FKBP5: variants seen among roughly 807,000 people sequenced by gnomAD.
FKBP5 encodes peptidyl-prolyl cis-trans isomerase FKBP5.
FKBP5 carries 23 observed loss-of-function variants against 50.5 expected under a neutral mutation model. The observed-to-expected ratio is 0.46, with a 90% CI of 0.33 to 0.65. The LOEUF is 0.65. Ranked by LOEUF, FKBP5 falls within the 30% of genes least tolerant of loss-of-function variation. The pLI is 0.02. For missense variants in FKBP5, 411 were observed against 553.1 expected (o/e 0.74, Z 2.58); for synonymous variants, 176 against 190.6 (o/e 0.92, Z 0.63).
chr6:35,608,366 A>T (rs1481029252), intron 5 of FKBP5, among the ~76,000 whole-genome samples: 1 of 150,544 alleles, frequency 6.6e-6, no homozygotes, highest in African/African-American at 2.4e-5. Flanking sequence ...TCTTAAAATA[A>T]AAGAATTAAT....
intron 2 of FKBP5, among the ~76,000 whole-genome samples, chr6:35,701,233 G>GTTTTTT (rs200620341): frequency 1.4e-5 from 2 of 147,536 alleles, no homozygotes; most frequent in African/African-American, 2.5e-5. Flanking sequence ...GTTTGTTTTT[G>GTTTTTT]TTTTTTGTTT....
At chr6:35,706,629 T>C (rs1171118899) in intron 2 of FKBP5, among the ~76,000 whole-genome samples, 1 of 152,184 alleles carries the variant, frequency 6.6e-6, no homozygotes, top group Non-Finnish European at 1.5e-5. Context: ...GGAGTGAAGA[T>C]TGTGTAACCT....
chr6:35,585,656 T>C (rs1376180071), intron 8 of FKBP5: 1 of 930,466 alleles, frequency 1.1e-6, no homozygotes, highest in Admixed American at 6.2e-5. Flanking sequence ...TATTTATATA[T>C]TTATACTTAT....
intron 7 of FKBP5, among the ~76,000 whole-genome samples, chr6:35,589,114 ATATATATATATATAT>A (rs2150958718): frequency 8.1e-6 from 1 of 123,374 alleles, no homozygotes; most frequent in East Asian, 2.2e-4. Flanking sequence ...ATATTTTTAT[ATATATATATATATAT>A]TTTTTTTTTT....
chr6:35,674,400 C>G (rs1358569227), intron 1 of FKBP5, among the ~76,000 whole-genome samples: 2 of 152,088 alleles, frequency 1.3e-5, no homozygotes, highest in Non-Finnish European at 2.9e-5. Flanking sequence ...TTTCCAAGTT[C>G]CCTCAGTACA....
In FKBP5 at chr6:35,575,154, C is replaced by T. The variant is rs1485602555; in HGVS notation, c.*681G>A. On this transcript the variant is annotated 3_prime_UTR_variant, in exon 11 of 11. Coordinates refer to ENST00000357266, the MANE Select transcript of FKBP5 (RefSeq NM_004117.4). ...GTTTTAGGAATGACAGAATTACTCC[C>T]CCAGGGACAGGCTGTGTGTGGTAGA... 1 of 152,140 alleles carries T rather than the reference C, an allele frequency of 6.6e-6. No individual in the cohort carries two copies. Among genetic ancestry groups the T allele is most frequent in the Non-Finnish European group, 1.5e-5 (1 of 68,058 alleles). The allele number at this position is 152,140 out of a possible 1,614,324, so 9.4% of individuals were successfully genotyped here.
intron 1 of FKBP5, among the ~76,000 whole-genome samples, chr6:35,643,844 G>T (rs766871758): frequency 1.3e-5 from 2 of 152,142 alleles, no homozygotes; most frequent in Non-Finnish European, 2.9e-5. Context: ...CGCCTGTTAG[G>T]TTTAAAAGAT....
Position 35,597,446 on chromosome 6 carries a change from A to G in FKBP5, c.509-42T>C, listed in dbSNP as rs1175895291. On this transcript the variant is annotated intron_variant, in intron 5 of 10. Coordinates refer to ENST00000357266, the MANE Select transcript of FKBP5 (RefSeq NM_004117.4). ...AGGAGAGTCAACAGAGCTGCTTCTTAGGACTGGCTAATTCAGTGAAGTGAT... is the reference window on the plus strand; with the variant it reads ...AGGAGAGTCAACAGAGCTGCTTCTTGGGACTGGCTAATTCAGTGAAGTGAT... 8 of 1,585,688 alleles carry G rather than the reference A, an allele frequency of 5.0e-6. No individual in the cohort carries two copies. The African/African-American group carries it at 1.1e-4, about 22-fold the overall frequency.
In FKBP5 at chr6:35,701,203, T is replaced by TTTTG. The variant is rs201347112; in HGVS notation, c.-20+19121_-20+19124dup. On this transcript the variant is annotated intron_variant, in intron 2 of 11. Transcript: ENST00000536438. ...AAGAATTTAACTAGGAGTGCTGTGTTTTTGTTTGTTTGTTTGTTTGTTTGT... is the reference window on the plus strand; with the variant it reads ...AAGAATTTAACTAGGAGTGCTGTGTTTTTGTTTGTTTGTTTGTTTGTTTGTTTGT... Among the ~76,000 whole-genome samples, 286 of 146,986 alleles carry TTTTG rather than the reference T, an allele frequency of 1.9e-3. 1 individual carries two copies. Among genetic ancestry groups the TTTTG allele is most frequent in the African/African-American group, 5.7e-3 (228 of 39,984 alleles).
chr6:35,714,714 G>A (rs976092130), intron 2 of FKBP5, among the ~76,000 whole-genome samples: 1 of 151,504 alleles, frequency 6.6e-6, no homozygotes, highest in Non-Finnish European at 1.5e-5. Flanking sequence ...CTACTTGGGA[G>A]GCTGAGGCAT....
intron 1 of FKBP5, among the ~76,000 whole-genome samples, chr6:35,679,905 G>A (rs1477687783): frequency 1.3e-5 from 2 of 151,872 alleles, no homozygotes; most frequent in East Asian, 1.9e-4. Flanking sequence ...GTACTCCAAA[G>A]CTATTGAAAT....
rs77449275 is a variant in FKBP5, at chr6:35,663,715, C to T, written c.-19-20872G>A. 3.4e-3 allele frequency among the ~76,000 whole-genome samples: 521 copies of T among 152,364 alleles called. 6 individuals are homozygous for T. Among genetic ancestry groups the T allele is most frequent in the East Asian group, 0.029 (153 of 5,194 alleles). ...GTTAGCTGCATAGCTCACTCCCTCA[C>T]TCGCTTCAGGTCTGCCTTCATGTTC... On this transcript the variant is annotated intron_variant, in intron 1 of 10. Coordinates refer to ENST00000357266, the MANE Select transcript of FKBP5 (RefSeq NM_004117.4).
chr6:35,724,923 A>T (rs1286692761), intron 1 of FKBP5, among the ~76,000 whole-genome samples: 3 of 152,216 alleles, frequency 2.0e-5, no homozygotes, highest in Admixed American at 6.5e-5. Flanking sequence ...GATCCTGTAA[A>T]TAAAGACCTG....
At chr6:35,589,130 T>TTTTTATATATATATATATATATATA (rs1561846643) in intron 7 of FKBP5, among the ~76,000 whole-genome samples, 5 of 112,962 alleles carry the variant, frequency 4.4e-5, no homozygotes, top group Admixed American at 1.9e-4. Flanking sequence ...ATATATATAT[T>TTTTTATATATATATATATATATATA]TTTTTTTTTT....
At position 35,586,545 on chromosome 6, in the gene FKBP5, T is replaced by C. The variant is rs766580913; in HGVS notation, c.840+489A>G. ...ACTTTGGGAAGCTGAGGTGGGAGGATTGCTTGAGGCTAGAAGTTTGAGACC... is the reference window on the plus strand; with the variant it reads ...ACTTTGGGAAGCTGAGGTGGGAGGACTGCTTGAGGCTAGAAGTTTGAGACC... On this transcript the variant is annotated intron_variant, in intron 8 of 10. Coordinates refer to ENST00000357266, the MANE Select transcript of FKBP5 (RefSeq NM_004117.4). The C allele has an allele frequency of 7.9e-4, 780 of 986,076 alleles. 1 individual carries two copies. The highest frequency in any genetic ancestry group is 9.1e-4 in the Non-Finnish European group (753 of 828,190). The allele number at this position is 986,076 out of a possible 1,614,324, so 61.1% of individuals were successfully genotyped here.
chr6:35,582,420 G>GC, intron 8 of FKBP5: 1 of 495,914 alleles, frequency 2.0e-6, no homozygotes, highest in Non-Finnish European at 2.6e-6. Context: ...TGAGGGTGGG[G>GC]CCTCATGATG....
chr6:35,620,153 C>T lies in FKBP5; in HGVS notation c.372G>A (p.Ser124=), dbSNP rs761955949. 14 of 1,613,898 alleles carry T rather than the reference C, an allele frequency of 8.7e-6. No individual in the cohort carries two copies. The highest frequency in any genetic ancestry group is 1.6e-4 in the Middle Eastern group (1 of 6,084). Residue 124 remains serine (S), a synonymous_variant, in exon 4 of 11, where the codon TCG becomes TCA. Transcript: ENST00000357266. ...TTGCCTCAAAAAAGAGAGTTGCATT[C>T]GAGGGAATTTTAGGGAGACTGCCAG... The part of the protein sequence containing the change: ...GSAGSLPKIP[S]NATLFFEIEL...
chr6:35,641,992 CAAAATAAAATAAAATAAAAT>C (rs373570754), intron 2 of FKBP5, among the ~76,000 whole-genome samples: 17 of 140,302 alleles, frequency 1.2e-4, no homozygotes, highest in Non-Finnish European at 1.7e-4. Context: ...GACTCTGTCT[CAAAATAAAATAAAATAAAAT>C]AAAATAAAAT....
At position 35,577,005 on chromosome 6, in the gene FKBP5, G is replaced by C; in HGVS notation, c.1255C>G (p.Gln419Glu). ...GGCTCTGCACACACCTTGGCATCCT[G>C]CTCTGCAAACTTCTTGAACATGTTG... ...YANMFKKFAE[Q>E]DAKEEANKAM... The change falls in exon 10 of 11, where the codon CAG (glutamine) becomes GAG (glutamate). Residue 419 changes from glutamine to glutamate, a missense_variant. By Grantham distance (29) the Gln-to-Glu change is conservative. Transcript: ENST00000357266. The C allele has an allele frequency of 6.2e-7, 1 of 1,613,954 alleles. No individual in the cohort carries two copies.
Sources: gnomAD v4.1 joint callset for allele counts (sites outside exome capture counted in the v4.1 genomes callset) on GRCh38, gnomAD v4.1.1 for gene constraint, MANE v1.5 for transcripts, NCBI Gene and HGNC (gene_info 2026-07-23, HGNC 2026-07-21) for gene names.